Variants in ZNF625 observed in about 807,000 individuals in gnomAD.
ZNF625 encodes zinc finger protein 625.
Under a neutral mutation model 11.1 loss-of-function variants are expected in ZNF625, and 8 were observed. The ratio of observed to expected loss-of-function variants is 0.72; its 90% CI spans 0.42 to 1.30. The LOEUF (loss-of-function observed/expected upper bound fraction) is 1.30, where lower values mean the gene tolerates loss of function less well. Ranked by LOEUF, ZNF625 falls within the 50% of genes most tolerant of loss-of-function variation. The pLI is 0.01. For synonymous variants in ZNF625, 145 were observed against 153.4 expected (o/e 0.95, Z 0.41); for missense variants, 349 against 447.6 (o/e 0.78, Z 1.99).
At chr19:12,149,312 C>A (rs1976921969) in intron 1 of ZNF625, among the ~76,000 whole-genome samples, 1 of 149,064 alleles carries the variant, frequency 6.7e-6, no homozygotes. Context: ...AAATCAGTAG[C>A]CAAGAGCTGC....
chr19:12,147,008 C>T (rs1282625227), intron 3 of ZNF625, among the ~76,000 whole-genome samples: 1 of 136,338 alleles, frequency 7.3e-6, no homozygotes, highest in Non-Finnish European at 1.6e-5. Flanking sequence ...GCTCAGTCGC[C>T]CAGGATGGAG....
chr19:12,154,099 G>A (rs1204767002), intron 1 of ZNF625, among the ~76,000 whole-genome samples: 1 of 151,982 alleles, frequency 6.6e-6, no homozygotes, highest in Non-Finnish European at 1.5e-5. Context: ...GAGCCACCCC[G>A]CCCAGCCCTT....
Position 12,153,449 on chromosome 19 carries a change from CCA to C in ZNF625, c.3+3105_3+3106del, listed in dbSNP as rs1976984479. Reference sequence around the variant, plus strand: ...GCCTGTAATCCGGCATTTTGGGAAGCCAAGGCGGGTGGATCACCTGAGGTCAG... The same window carrying C: ...GCCTGTAATCCGGCATTTTGGGAAGCAGGCGGGTGGATCACCTGAGGTCAG... On this transcript the variant is annotated intron_variant, in intron 1 of 3. Transcript: ENST00000439556. Among the ~76,000 whole-genome samples the C allele has an allele frequency of 2.6e-5, 4 of 151,736 alleles. 1 individual carries two copies. In the South Asian group the frequency reaches 8.3e-4, roughly 32 times the overall value.
chr19:12,156,516 C>T, intron 1 of ZNF625, 40 bp downstream of exon 1: 1 of 1,416,546 alleles, frequency 7.1e-7, no homozygotes, highest in Non-Finnish European at 9.2e-7. Context: ...TTCCTCCCGG[C>T]CCCTCCCCCG....
intron 1 of ZNF625, among the ~76,000 whole-genome samples, chr19:12,155,851 TTTTTG>T (rs201049684): frequency 6.6e-6 from 1 of 151,926 alleles, no homozygotes; most frequent in Non-Finnish European, 1.5e-5. Flanking sequence ...GTTGCTGTTG[TTTTTG>T]TTTTGTTTTG....
At position 12,146,009 on chromosome 19, in the gene ZNF625, T is replaced by C. The variant is rs927789495; in HGVS notation, c.407A>G (p.Lys136Arg). The C allele has an allele frequency of 4.3e-6, 7 of 1,614,198 alleles. No individual in the cohort carries two copies. In the South Asian group the frequency reaches 7.7e-5, roughly 18 times the overall value. Residue 136 changes from lysine to arginine, a missense_variant, in exon 4 of 4, where the codon AAA becomes AGA. Transcript: ENST00000439556. ...EYQEYGQKPY[K>R]CTYCKKAFSD... ...GAAGGCTTTCTTACAGTATGTACAT[T>C]TATATGGCTTCTGTCCATATTCCTG...
At chr19:12,156,511 C>T (rs1977029584) in intron 1 of ZNF625, 45 bp downstream of exon 1, 4 of 1,410,046 alleles carry the variant, frequency 2.8e-6, no homozygotes, top group East Asian at 2.8e-5. Flanking sequence ...GCCGGTTCCT[C>T]CCGGCCCCTC....
intron 1 of ZNF625, among the ~76,000 whole-genome samples, chr19:12,153,498 A>T (rs981394679): frequency 6.6e-6 from 1 of 151,964 alleles, no homozygotes; most frequent in African/African-American, 2.4e-5. Flanking sequence ...TAGCCTGGCC[A>T]ACATAACAAA....
intron 3 of ZNF625, among the ~76,000 whole-genome samples, chr19:12,146,739 T>C (rs1409831365): frequency 1.3e-5 from 2 of 152,162 alleles, no homozygotes; most frequent in Admixed American, 6.5e-5. Context: ...GCCAACACTA[T>C]TTTCAGGTAA....
intron 1 of ZNF625, among the ~76,000 whole-genome samples, chr19:12,150,914 G>A (rs1054831455): frequency 3.9e-5 from 6 of 152,134 alleles, no homozygotes; most frequent in African/African-American, 1.2e-4. Context: ...GTTCTACGGT[G>A]GAGCTCGCCT....
At chr19:12,152,748 A>G (rs769538905) in intron 1 of ZNF625, among the ~76,000 whole-genome samples, 11 of 151,048 alleles carry the variant, frequency 7.3e-5, no homozygotes, top group Non-Finnish European at 1.3e-4. Flanking sequence ...AGGCTGAGGT[A>G]GGAGAATCGC....
chr19:12,148,510 G>A (rs529003089), intron 1 of ZNF625, among the ~76,000 whole-genome samples: 24 of 152,102 alleles, frequency 1.6e-4, no homozygotes, highest in Admixed American at 2.0e-4. Flanking sequence ...AATGGTGTAA[G>A]AGAACACCAT....
intron 1 of ZNF625, among the ~76,000 whole-genome samples, chr19:12,153,614 G>C (rs1051336547): frequency 2.0e-5 from 3 of 150,382 alleles, no homozygotes; most frequent in Non-Finnish European, 4.4e-5. Flanking sequence ...AACCTGGGAG[G>C]GGGAGGTCGC....
At chr19:12,148,136 C>G (rs996735239) in intron 1 of ZNF625, among the ~76,000 whole-genome samples, 1 of 152,010 alleles carries the variant, frequency 6.6e-6, no homozygotes, top group African/African-American at 2.4e-5. Flanking sequence ...CCTGCCACCA[C>G]GCACAACTAA....
In ZNF625 at chr19:12,156,541, GC is replaced by G; in HGVS notation, c.3+14del. On this transcript the variant is annotated intron_variant, in intron 1 of 3. Transcript: ENST00000439556. ...CCCCTCCCCCGTCTCGGGACCCCCG[GC>G]CCCGCACACTCACCATTTCCCGGCT... 1.4e-6 allele frequency: 2 copies of G among 1,428,168 alleles called. No homozygotes were observed. Among genetic ancestry groups the G allele is most frequent in the Non-Finnish European group, 9.2e-7 (1 of 1,089,220 alleles). The allele number at this position is 1,428,168 out of a possible 1,614,324, so 88.5% of individuals were successfully genotyped here.
chr19:12,147,059 C>T (rs572571469), intron 3 of ZNF625, among the ~76,000 whole-genome samples: 20 of 151,274 alleles, frequency 1.3e-4, no homozygotes, highest in South Asian at 4.2e-4. Flanking sequence ...CTCTGCCTCC[C>T]GGGTTCATGC....
At position 12,145,684 on chromosome 19, in the gene ZNF625, CT is replaced by C; in HGVS notation, c.731del (p.Glu244GlyfsTer24). ...LRIHERTHTGEKPYECSECGK... is the reference protein window; with the variant it reads ...LRIHERTHTGXKPYECSECGK... ...CACACTCACTGCATTCATAAGGCTT[CT>C]CTCCAGTGTGAGTTCTTTCATGTAT... On this transcript the variant is annotated frameshift_variant, in exon 4 of 4. Coordinates refer to ENST00000439556, the MANE Select transcript of ZNF625 (RefSeq NM_145233.4). LOFTEE classifies it low-confidence loss of function (END_TRUNC). The C allele has an allele frequency of 6.2e-7, 1 of 1,614,046 alleles. No individual in the cohort carries two copies. Among genetic ancestry groups the C allele is most frequent in the Admixed American group, 1.7e-5 (1 of 60,000 alleles).
Position 12,145,895 on chromosome 19 carries a change from G to C in ZNF625, c.521C>G (p.Ser174Cys). ...DCEECGKSFI[S>C]RSSIRRHRIM... ...CCTGTGTCTTCGAATGCTTGAACGG[G>C]AAATAAAGCTTTTTCCACATTCCTC... is the stretch of plus-strand genomic sequence containing the variant. Residue 174 changes from serine (S) to cysteine (C), a missense_variant, in exon 4 of 4, where the codon TCC (serine) becomes TGC (cysteine). Ser to Cys is a moderately radical substitution (Grantham distance 112, BLOSUM62 -1). Coordinates refer to ENST00000439556, the MANE Select transcript of ZNF625 (RefSeq NM_145233.4). 6.2e-7 allele frequency: 1 copy of C among 1,614,108 alleles called. No homozygotes were observed. The highest frequency in any genetic ancestry group is 8.5e-7 in the Non-Finnish European group (1 of 1,179,974).
At chr19:12,146,391 A>T (rs1345563178) in intron 3 of ZNF625, among the ~76,000 whole-genome samples, 167 bp from the exon 4 acceptor site, 2 of 146,704 alleles carry the variant, frequency 1.4e-5, no homozygotes, top group Non-Finnish European at 3.0e-5. Context: ...GCCCAGCTAT[A>T]CCTGTTATCA....
Sources: allele counts gnomAD v4.1 joint callset (sites outside exome capture counted in the v4.1 genomes callset), GRCh38; gene constraint gnomAD v4.1.1; transcripts MANE v1.5; gene names NCBI Gene and HGNC (gene_info 2026-07-23, HGNC 2026-07-21).